Variants in MAPK6 observed in about 807,000 individuals in gnomAD.
MAPK6 encodes the protein mitogen-activated protein kinase 6.
A neutral mutation model predicts 59.3 loss-of-function variants in MAPK6; 19 were observed. That is an observed-to-expected ratio of 0.32 (90% CI 0.22 to 0.47). MAPK6 has a LOEUF of 0.47. Ranked by LOEUF, MAPK6 falls within the 20% of genes least tolerant of loss-of-function variation. MAPK6 has a pLI of 1.00. For missense variants in MAPK6, 724 were observed against 847.9 expected (o/e 0.85, Z 1.81); for synonymous variants, 316 against 290.3 (o/e 1.09, Z -0.90).
Position 52,064,449 on chromosome 15 carries a change from T to C in MAPK6, c.1615T>C (p.Ser539Pro), listed in dbSNP as rs1200827226. The change falls in exon 6 of 6, where the codon TCC (serine) becomes CCC (proline). Residue 539 changes from serine (S) to proline (P), a missense_variant. By Grantham distance (74) the Ser-to-Pro change is moderately conservative. Transcript: ENST00000261845. ...SFIAGTIQLSSQHEPTDVVDK... is the reference protein window; with the variant it reads ...SFIAGTIQLSPQHEPTDVVDK... ...TATTGCAGGAACTATTCAGCTTAGT[T>C]CCCAGCATGAGCCTACTGATGTTGT... The C allele has an allele frequency of 6.2e-7, 1 of 1,611,258 alleles. No homozygotes were observed.
At chr15:52,026,446 C>T (rs2030779841) in intron 1 of MAPK6, among the ~76,000 whole-genome samples, 1 of 152,166 alleles carries the variant, frequency 6.6e-6, no homozygotes, top group African/African-American at 2.4e-5. Flanking sequence ...CATGCACCAC[C>T]ACGCCCAGCT....
intron 5 of MAPK6, among the ~76,000 whole-genome samples, chr15:52,062,591 C>A (rs1438908867): frequency 6.6e-6 from 1 of 151,978 alleles, no homozygotes; most frequent in East Asian, 1.9e-4. Flanking sequence ...GTGGTGAAAC[C>A]CGGTCTCTAC....
chr15:52,019,444 C>CCGGCGGCGG (rs879025418), intron 1 of MAPK6, 68 bp downstream of exon 1: 41 of 146,522 alleles, frequency 2.8e-4, no homozygotes, highest in East Asian at 1.4e-3. Flanking sequence ...CGCGGCGGGC[C>CCGGCGGCGG]CGGCGGCGGC....
At chr15:52,063,411 C>T (rs1022932539) in intron 5 of MAPK6, among the ~76,000 whole-genome samples, 1 of 152,148 alleles carries the variant, frequency 6.6e-6, no homozygotes, top group Non-Finnish European at 1.5e-5. Context: ...CTTTTCTTTT[C>T]CCTCAATGAT....
At chr15:51,995,178 A>G (rs2057220914) in intron 2 of MAPK6, among the ~76,000 whole-genome samples, 1 of 152,186 alleles carries the variant, frequency 6.6e-6, no homozygotes, top group South Asian at 2.1e-4. Flanking sequence ...AGGAAAAGTA[A>G]ACTGTATGTA....
intron 2 of MAPK6, among the ~76,000 whole-genome samples, chr15:52,000,083 G>T (rs542068860): frequency 6.6e-6 from 1 of 152,064 alleles, no homozygotes; most frequent in Non-Finnish European, 1.5e-5. Context: ...GACCACAAGG[G>T]TGTGCCACCG....
rs184453386 is a variant in MAPK6 at position 52,033,546 on chromosome 15, C to T, written c.-631-12284C>T. 2.6e-3 allele frequency among the ~76,000 whole-genome samples: 391 copies of T among 152,322 alleles called. 4 individuals are homozygous for T. The highest frequency in any genetic ancestry group is 2.5e-3 in the Non-Finnish European group (169 of 68,030). On this transcript the variant is annotated intron_variant, in intron 1 of 5. Coordinates refer to ENST00000261845, the MANE Select transcript of MAPK6 (RefSeq NM_002748.4). ...AGTGGTCTGTCGGGGGTTCTCCAGC[C>T]TTCAGCCACAGATTGAAGGCTGCAC...
intron 1 of MAPK6, among the ~76,000 whole-genome samples, chr15:52,032,249 G>C (rs1427905337): frequency 6.9e-6 from 1 of 145,920 alleles, no homozygotes; most frequent in African/African-American, 2.6e-5. Context: ...GGAGTGCAGT[G>C]GTGCAATCTC....
chr15:51,984,351 G>A (rs1355129021), intron 2 of MAPK6, among the ~76,000 whole-genome samples: 1 of 151,658 alleles, frequency 6.6e-6, no homozygotes, highest in Non-Finnish European at 1.5e-5. Flanking sequence ...ACACAATCTC[G>A]GCTCACTGCA....
chr15:52,058,710 C>G lies in MAPK6; in HGVS notation c.778C>G (p.Leu260Val), dbSNP rs145613421. 10 of 1,613,496 alleles carry G rather than the reference C, an allele frequency of 6.2e-6. No individual in the cohort carries two copies. In the African/African-American group the frequency reaches 1.1e-4, roughly 17 times the overall value. The change falls in exon 4 of 6, where the codon CTC (leucine) becomes GTC (valine). Residue 260 changes from leucine to valine, a missense_variant. By Grantham distance (32) the Leu-to-Val change is conservative. Coordinates refer to ENST00000261845, the MANE Select transcript of MAPK6 (RefSeq NM_002748.4). ...VVHEEDRQELLSVIPVYIRND... is the reference protein window; with the variant it reads ...VVHEEDRQELVSVIPVYIRND... ...ACATGAGGAAGATCGTCAGGAGCTTCTCAGCGTAATTCCAGTTTACATTAG... is the reference window on the plus strand; with the variant it reads ...ACATGAGGAAGATCGTCAGGAGCTTGTCAGCGTAATTCCAGTTTACATTAG...
chr15:52,025,557 CTT>C (rs1347404024), intron 1 of MAPK6, among the ~76,000 whole-genome samples: 1 of 152,180 alleles, frequency 6.6e-6, no homozygotes, highest in Non-Finnish European at 1.5e-5. Context: ...AATGCCAGCA[CTT>C]TGGGAGGCTG....
chr15:51,971,887 G>T, exon 1 of MAPK6: 1 of 843,768 alleles, frequency 1.2e-6, no homozygotes, highest in Non-Finnish European at 2.0e-6. Flanking sequence ...CGCTCGCCCA[G>T]TGAACCTGTT....
chr15:52,050,466 G>C (rs966293004), intron 3 of MAPK6, among the ~76,000 whole-genome samples: 3 of 152,128 alleles, frequency 2.0e-5, no homozygotes, highest in African/African-American at 7.2e-5. Context: ...AGCCATTGTT[G>C]AAAATCCAAC....
At chr15:51,998,647 A>G (rs185218758) in intron 2 of MAPK6, among the ~76,000 whole-genome samples, 1 of 148,110 alleles carries the variant, frequency 6.8e-6, no homozygotes, top group East Asian at 2.0e-4. Flanking sequence ...CGGCCTCCCA[A>G]GAAGCTGGAA....
At chr15:51,991,219 A>G (rs1002199523) in intron 2 of MAPK6, among the ~76,000 whole-genome samples, 1 of 152,064 alleles carries the variant, frequency 6.6e-6, no homozygotes, top group African/African-American at 2.4e-5. Flanking sequence ...ATATGTATAT[A>G]TATGTGTATA....
intron 2 of MAPK6, among the ~76,000 whole-genome samples, chr15:51,994,123 G>A (rs1337927051): frequency 6.6e-6 from 1 of 152,018 alleles, no homozygotes; most frequent in Non-Finnish European, 1.5e-5. Flanking sequence ...AACATGCCTG[G>A]CTAATTTTGT....
chr15:52,043,746 T>TA (rs1485414857), intron 1 of MAPK6, among the ~76,000 whole-genome samples: 1 of 94,804 alleles, frequency 1.1e-5, no homozygotes, highest in South Asian at 4.0e-4. Context: ...TGTTTGATTT[T>TA]TTTTTTTTTT....
In MAPK6 at chr15:52,065,974, A is replaced by T. The variant is rs933590096; in HGVS notation, c.*974A>T. 1.3e-5 allele frequency: 2 copies of T among 152,592 alleles called. No homozygotes were observed. Among genetic ancestry groups the T allele is most frequent in the Non-Finnish European group, 2.9e-5 (2 of 68,006 alleles). The allele number at this position is 152,592 out of a possible 1,614,324, so 9.5% of individuals were successfully genotyped here. A position where few individuals can be genotyped will look rare whatever the true frequency, so the allele number is the denominator to read the frequency against. ...GCTCCTAGAAGTCTTAATTGTGTTT[A>T]TTTTTTAAAAAAACAAATGTTAGAC... is the stretch of plus-strand genomic sequence containing the variant. On this transcript the variant is annotated 3_prime_UTR_variant, in exon 6 of 6. Coordinates refer to ENST00000261845, the MANE Select transcript of MAPK6 (RefSeq NM_002748.4).
At chr15:52,054,729 TACACACACACAC>T (rs35669914) in intron 3 of MAPK6, among the ~76,000 whole-genome samples, 2 of 147,034 alleles carry the variant, frequency 1.4e-5, no homozygotes, top group South Asian at 2.2e-4. Flanking sequence ...CATATATCTA[TACACACACACAC>T]ACACACACAT....
Sources: gnomAD v4.1 joint callset for allele counts (sites outside exome capture counted in the v4.1 genomes callset) on GRCh38, gnomAD v4.1.1 for gene constraint, MANE v1.5 for transcripts, NCBI Gene and HGNC (gene_info 2026-07-23, HGNC 2026-07-21) for gene names.